The following RHPN2 variants were observed in gnomAD, a reference collection of about 807,000 sequenced individuals.
The protein encoded by RHPN2 is rhophilin-2.
RHPN2 carries 40 observed loss-of-function variants against 79.0 expected under a neutral mutation model. The ratio of observed to expected loss-of-function variants is 0.51; its 90% CI spans 0.39 to 0.66. The LOEUF is 0.66. RHPN2 is among the 30% of genes least tolerant of loss of function. The pLI, the probability that RHPN2 is intolerant of heterozygous loss-of-function variation, is 0.00. For missense variants in RHPN2, 686 were observed against 883.5 expected (o/e 0.78, Z 2.83); for synonymous variants, 285 against 363.5 (o/e 0.78, Z 2.46).
intron 4 of RHPN2, among the ~76,000 whole-genome samples, chr19:33,018,486 G>A (rs1352116906): frequency 6.6e-6 from 1 of 152,198 alleles, no homozygotes; most frequent in Non-Finnish European, 1.5e-5. Flanking sequence ...TCAGGTAAAA[G>A]TTCAGGCAGG....
intron 2 of RHPN2, among the ~76,000 whole-genome samples, chr19:33,038,520 G>A (rs1453665967): frequency 1.3e-5 from 2 of 151,776 alleles, no homozygotes; most frequent in Non-Finnish European, 2.9e-5. Flanking sequence ...ACGGAGTCTC[G>A]CTCTGTCACC....
chr19:32,981,050 C>G (rs989504804), intron 14 of RHPN2, among the ~76,000 whole-genome samples: 4 of 151,990 alleles, frequency 2.6e-5, no homozygotes, highest in African/African-American at 9.7e-5. Flanking sequence ...CCTTCTCGAT[C>G]TCCTGACCTC....
At chr19:32,989,240 G>C (rs931990156) in intron 14 of RHPN2, among the ~76,000 whole-genome samples, 16 of 152,128 alleles carry the variant, frequency 1.1e-4, no homozygotes, top group African/African-American at 3.6e-4. Flanking sequence ...CTCCTGAGTA[G>C]CTGGGGTTAC....
chr19:33,023,791 AAAAAAAAAG>A (rs936949519), intron 3 of RHPN2, among the ~76,000 whole-genome samples: 3 of 151,518 alleles, frequency 2.0e-5, no homozygotes, highest in African/African-American at 4.9e-5. Context: ...TCTCAAAAAA[AAAAAAAAAG>A]AAAAAAAAGA....
chr19:32,999,760 C>T (rs1165829715), intron 9 of RHPN2, 55 bp from the exon 10 acceptor site: 37 of 1,595,424 alleles, frequency 2.3e-5, no homozygotes, highest in African/African-American at 4.0e-5. Flanking sequence ...CACAGACCCA[C>T]GTAGAGATTT....
chr19:33,054,197 GTTTT>G (rs34820019), intron 1 of RHPN2, among the ~76,000 whole-genome samples: 2 of 112,210 alleles, frequency 1.8e-5, no homozygotes, highest in Non-Finnish European at 3.5e-5. Flanking sequence ...TTTCTTCTTT[GTTTT>G]TTTTTTTTTT....
intron 12 of RHPN2, chr19:32,992,243 G>A (rs1025258686): frequency 4.0e-5 from 16 of 395,522 alleles, no homozygotes; most frequent in Admixed American, 1.8e-4. Context: ...TCACTCTGTC[G>A]CCCAGGCTAG....
chr19:33,038,598 C>G (rs907655608), intron 2 of RHPN2, among the ~76,000 whole-genome samples: 1 of 152,102 alleles, frequency 6.6e-6, no homozygotes, highest in Non-Finnish European at 1.5e-5. Context: ...AAGCAATTCT[C>G]CTGCCTCAGC....
At chr19:33,011,949 A>T in intron 5 of RHPN2, 146 bp from the exon 6 acceptor site, 1 of 993,462 alleles carries the variant, frequency 1.0e-6, no homozygotes. Context: ...AAACTCTGGG[A>T]GGGGTGGAAA....
chr19:33,043,130 T>G (rs1000155298), intron 2 of RHPN2, among the ~76,000 whole-genome samples: 9 of 150,956 alleles, frequency 6.0e-5, no homozygotes. Flanking sequence ...TGGTCCCAGC[T>G]ACTCAGTAGG....
intron 10 of RHPN2, among the ~76,000 whole-genome samples, chr19:32,998,729 GAAT>G (rs1568311967): frequency 7.0e-6 from 1 of 143,190 alleles, no homozygotes; most frequent in African/African-American, 2.6e-5. Flanking sequence ...AAGAAGGAAA[GAAT>G]AAAGGAGAGA....
At chr19:33,027,546 G>T (rs1450094634) in intron 2 of RHPN2, among the ~76,000 whole-genome samples, 1 of 151,540 alleles carries the variant, frequency 6.6e-6, no homozygotes, top group African/African-American at 2.4e-5. Flanking sequence ...ATATAAGATA[G>T]AAAGTAAAAT....
Position 33,048,725 on chromosome 19 carries a change from C to CAAAAAA in RHPN2, c.70-4367_70-4362dup, listed in dbSNP as rs58396784. The stretch of plus-strand genomic sequence containing the variant: ...TGGGTGACACAGCGAGACTCAGTCT[C>CAAAAAA]AAAAAAAAAAAAAAAAAAAACTTTA... On this transcript the variant is annotated intron_variant, in intron 1 of 14. Coordinates refer to ENST00000254260, the MANE Select transcript of RHPN2 (RefSeq NM_033103.5). Among the ~76,000 whole-genome samples the CAAAAAA allele has an allele frequency of 8.8e-4, 55 of 62,658 alleles. 2 individuals are homozygous for CAAAAAA. The highest frequency in any genetic ancestry group is 1.5e-3 in the South Asian group (2 of 1,296). 41.1% of individuals were successfully genotyped at this position (62,658 alleles called of 152,430 possible).
In RHPN2 at chr19:33,021,627, G is replaced by C. The variant is rs1431759687; in HGVS notation, c.334C>G (p.Leu112Val). 2 of 1,613,758 alleles carry C rather than the reference G, an allele frequency of 1.2e-6. No homozygotes were observed. Among genetic ancestry groups the C allele is most frequent in the African/African-American group, 2.7e-5 (2 of 74,930 alleles). Residue 112 changes from leucine to valine, a missense_variant, in exon 4 of 15, where the codon CTG becomes GTG. Physicochemically the swap from Leu to Val is conservative, Grantham distance 32. Transcript: ENST00000254260. Reference protein sequence around the residue: ...QNTEEAFTIPLIPLGLKETKD... With the variant: ...QNTEEAFTIPVIPLGLKETKD... The stretch of plus-strand genomic sequence containing the variant: ...GTTTCCTTCAGGCCAAGAGGAATCA[G>C]GGGAATCGTAAATGCCTCCCTATGA...
chr19:33,023,496 T>G (rs1277442287), intron 3 of RHPN2, among the ~76,000 whole-genome samples: 2 of 150,348 alleles, frequency 1.3e-5, no homozygotes, highest in East Asian at 3.9e-4. Flanking sequence ...ACAATCTACT[T>G]TGAAAACAGG....
chr19:33,051,806 A>C (rs1330772702), intron 1 of RHPN2: 4 of 159,680 alleles, frequency 2.5e-5, no homozygotes, highest in African/African-American at 9.6e-5. Context: ...GGATCACTTG[A>C]GGTCAGTAGT....
chr19:33,041,902 G>A (rs902315353), intron 2 of RHPN2, among the ~76,000 whole-genome samples: 1 of 152,174 alleles, frequency 6.6e-6, no homozygotes, highest in Non-Finnish European at 1.5e-5. Context: ...GTGCTCAATA[G>A]CCAGGCACAG....
At chr19:32,988,288 T>A (rs951863951) in intron 14 of RHPN2, among the ~76,000 whole-genome samples, 7 of 151,620 alleles carry the variant, frequency 4.6e-5, no homozygotes, top group Non-Finnish European at 8.8e-5. Context: ...CCACTACCCA[T>A]GAGATTGATC....
intron 1 of RHPN2, among the ~76,000 whole-genome samples, chr19:33,060,105 C>T (rs1294496724): frequency 1.3e-5 from 2 of 152,228 alleles, no homozygotes; most frequent in Non-Finnish European, 2.9e-5. Context: ...CACCCGCATT[C>T]ATGGATCTTG....
Sources: allele counts gnomAD v4.1 joint callset (sites outside exome capture counted in the v4.1 genomes callset), GRCh38; gene constraint gnomAD v4.1.1; transcripts MANE v1.5; gene names NCBI Gene and HGNC (gene_info 2026-07-23, HGNC 2026-07-21).